Variants in ARHGAP29 observed in about 807,000 individuals in gnomAD.
ARHGAP29 encodes the protein Rho GTPase activating protein 29.
In ARHGAP29, 43 loss-of-function variants were observed where a neutral mutation model predicts 122.6. That is an observed-to-expected ratio of 0.35 (90% CI 0.27 to 0.45). The LOEUF (loss-of-function observed/expected upper bound fraction) is 0.45, where lower values mean the gene tolerates loss of function less well. ARHGAP29 is among the 20% of genes least tolerant of loss of function. The probability of loss-of-function intolerance (pLI) is 1.00; values close to 1 mark genes in which losing one functional copy is unlikely to be tolerated. For missense variants in ARHGAP29, 1,303 were observed against 1,477.2 expected (o/e 0.88, Z 1.93); for synonymous variants, 506 against 497.1 (o/e 1.02, Z -0.24).
Position 94,184,933 on chromosome 1 carries a change from C to A in ARHGAP29, c.2048G>T (p.Gly683Val), listed in dbSNP as rs201425202. The change falls in exon 18 of 23, where the codon GGT (glycine) becomes GTT (valine). Residue 683 changes from glycine to valine, a missense_variant. Gly to Val is a moderately radical substitution (Grantham distance 109). Around this residue, in one of 3 missense-constraint regions of ARHGAP29, gnomAD observed 91 missense variants for 177.8 expected, o/e 0.51. Transcript: ENST00000260526. ...ACATATTTTGAGTATAAAAGGGATACCATCTGGTTCCTTTTTTGCAACTTG... is the reference window on the plus strand; with the variant it reads ...ACATATTTTGAGTATAAAAGGGATAACATCTGGTTCCTTTTTTGCAACTTG... ...FTQVAKKEPD[G>V]IPFILKICAS... The A allele has an allele frequency of 1.2e-6, 2 of 1,613,226 alleles. No homozygotes were observed. The highest frequency in any genetic ancestry group is 8.5e-7 in the Non-Finnish European group (1 of 1,179,590).
chr1:94,177,801 T>G (rs1305725202), intron 21 of ARHGAP29, 51 bp downstream of exon 21: 2 of 1,549,984 alleles, frequency 1.3e-6, no homozygotes, highest in African/African-American at 1.4e-5. Flanking sequence ...TTTAACTTAT[T>G]AACATAAATA....
chr1:94,238,053 A>ATTTTTTT (rs71717670), upstream of ARHGAP29, among the ~76,000 whole-genome samples: 2 of 61,010 alleles, frequency 3.3e-5, no homozygotes, highest in Non-Finnish European at 5.7e-5. Context: ...GCCTATCTGT[A>ATTTTTTT]TTTTTTTTTT....
chr1:94,199,000 C>T (rs1650654219), intron 12 of ARHGAP29, among the ~76,000 whole-genome samples: 1 of 152,080 alleles, frequency 6.6e-6, no homozygotes, highest in Non-Finnish European at 1.5e-5. Context: ...CAGCGAGAAC[C>T]AAACACCACA....
At chr1:94,175,136 T>C (rs1448673340) in intron 22 of ARHGAP29, among the ~76,000 whole-genome samples, 3 of 152,206 alleles carry the variant, frequency 2.0e-5, no homozygotes, top group African/African-American at 7.2e-5. Flanking sequence ...CAGATGTAAG[T>C]GTGCCCTGAA....
intron 11 of ARHGAP29, 91 bp downstream of exon 11, chr1:94,202,453 G>T: frequency 6.8e-7 from 1 of 1,474,928 alleles, no homozygotes; most frequent in Non-Finnish European, 9.3e-7. Flanking sequence ...TGCCTTTCCA[G>T]GCAGTCTTGG....
chr1:94,244,837 G>T (rs1653729726), intron 1 of ARHGAP29, among the ~76,000 whole-genome samples: 1 of 151,982 alleles, frequency 6.6e-6, no homozygotes, highest in Non-Finnish European at 1.5e-5. Flanking sequence ...GCCACAAATT[G>T]GGAGAAAATA....
chr1:94,185,174 A>G, intron 17 of ARHGAP29, 114 bp from the exon 18 acceptor site: 1 of 1,215,962 alleles, frequency 8.2e-7, no homozygotes, highest in Non-Finnish European at 1.1e-6. Flanking sequence ...TACTTGCGCT[A>G]TTTGAAACAG....
At chr1:94,177,587 AT>A (rs563927860) in intron 22 of ARHGAP29, 24 bp downstream of exon 22, 20,760 of 1,228,346 alleles carry the variant, frequency 0.017, 1 homozygote, top group South Asian at 0.029. Flanking sequence ...CAGCAAACAT[AT>A]TTTTTTTTTA....
intron 1 of ARHGAP29, among the ~76,000 whole-genome samples, chr1:94,272,233 G>T (rs986438992): frequency 6.6e-6 from 1 of 152,202 alleles, no homozygotes; most frequent in Non-Finnish European, 1.5e-5. Context: ...GAAGGAGAGG[G>T]TGAGTGTCAC....
chr1:94,202,211 A>G, intron 11 of ARHGAP29: 2 of 492,440 alleles, frequency 4.1e-6, no homozygotes. Flanking sequence ...TGCCTGAATT[A>G]GTACACATAC....
intron 16 of ARHGAP29, among the ~76,000 whole-genome samples, chr1:94,185,682 T>C (rs957244445): frequency 1.3e-5 from 2 of 152,184 alleles, no homozygotes; most frequent in Non-Finnish European, 2.9e-5. Flanking sequence ...TTATGAAACA[T>C]TTTAGCTATG....
rs78583589 is a variant in ARHGAP29, at chr1:94,254,112, T to C, written c.-33+20900A>G. ...AGAAGAAGGCAAATACAAGTTAAAG[T>C]AGTACTATGAGTTAATAATTCTATA... is the stretch of plus-strand genomic sequence containing the variant. On this transcript the variant is annotated intron_variant and NMD_transcript_variant, in intron 1 of 25. Coordinates refer to the ARHGAP29 transcript ENST00000552844. Among the ~76,000 whole-genome samples, 1,023 of 152,320 alleles carry C rather than the reference T, an allele frequency of 6.7e-3. 7 individuals are homozygous for C. Among genetic ancestry groups the C allele is most frequent in the African/African-American group, 0.023 (971 of 41,562 alleles).
chr1:94,193,219 A>G (rs934404169), intron 12 of ARHGAP29: 1 of 152,104 alleles, frequency 6.6e-6, no homozygotes, highest in African/African-American at 2.4e-5. Context: ...AGAGACTGTG[A>G]ACTTGAAGAC....
intron 2 of ARHGAP29, among the ~76,000 whole-genome samples, chr1:94,222,205 C>A (rs527428048): frequency 6.6e-6 from 1 of 152,266 alleles, no homozygotes; most frequent in South Asian, 2.1e-4. Flanking sequence ...AAACAAATCT[C>A]TTGTGTAAAA....
intron 1 of ARHGAP29, among the ~76,000 whole-genome samples, chr1:94,249,828 T>C (rs544555756): frequency 6.6e-6 from 1 of 152,240 alleles, no homozygotes; most frequent in Non-Finnish European, 1.5e-5. Flanking sequence ...TTGTGGCACT[T>C]ATGGTTTTGG....
chr1:94,231,460 T>C lies in ARHGAP29; in HGVS notation c.152A>G (p.Asp51Gly), dbSNP rs1295028775. The C allele has an allele frequency of 6.2e-7, 1 of 1,613,652 alleles. No homozygotes were observed. The highest frequency in any genetic ancestry group is 8.5e-7 in the Non-Finnish European group (1 of 1,179,720). Residue 51 changes from aspartate to glycine, a missense_variant, in exon 2 of 23, where the codon GAT (aspartate) becomes GGT (glycine). Asp to Gly is a moderately conservative substitution (Grantham distance 94, BLOSUM62 -1). Around this residue, in one of 3 missense-constraint regions of ARHGAP29, gnomAD observed 592 missense variants for 648.2 expected, o/e 0.91. Coordinates refer to ENST00000260526, the MANE Select transcript of ARHGAP29 (RefSeq NM_004815.4). ...DPDYIKELVN[D>G]IRKFSHMLLY... The stretch of plus-strand genomic sequence containing the variant: ...TAACATGTGGGAGAACTTCCTGATA[T>C]CATTCACCAACTCCTTGATGTAATC...
upstream of ARHGAP29, among the ~76,000 whole-genome samples, chr1:94,241,660 T>C (rs1653582245): frequency 6.9e-6 from 1 of 145,110 alleles, no homozygotes; most frequent in South Asian, 2.1e-4. Context: ...ATATCTTATA[T>C]ATATAATTAT....
chr1:94,191,512 T>TAAA (rs2101443838), intron 12 of ARHGAP29: 1 of 152,280 alleles, frequency 6.6e-6, no homozygotes, highest in African/African-American at 2.4e-5. Context: ...CCCTAACTTC[T>TAAA]TCAAGAAACA....
chr1:94,293,916 C>A, the ARHGAP29 span, among the ~76,000 whole-genome samples: 2 of 152,198 alleles, frequency 1.3e-5, no homozygotes, highest in Non-Finnish European at 2.9e-5. Flanking sequence ...TCTCCCCTCT[C>A]CCAGTTAGAA....
Sources: gnomAD v4.1 joint callset for allele counts (sites outside exome capture counted in the v4.1 genomes callset) on GRCh38, gnomAD v4.1.1 for gene constraint, gnomAD v4.1.1 regional missense constraint, MANE v1.5 for transcripts, NCBI Gene and HGNC (gene_info 2026-07-23, HGNC 2026-07-21) for gene names.